Variants in TRPM7 observed in about 807,000 individuals in gnomAD.
TRPM7 encodes the protein LTRPC ion channel family member 7.
A neutral mutation model predicts 229.7 loss-of-function variants in TRPM7; 134 were observed. The ratio of observed to expected loss-of-function variants is 0.58; its 90% CI spans 0.51 to 0.67. The LOEUF (loss-of-function observed/expected upper bound fraction) is 0.67, where lower values mean the gene tolerates loss of function less well. Ranked by LOEUF, TRPM7 falls within the 30% of genes least tolerant of loss-of-function variation. TRPM7 has a pLI of 0.00. For missense variants in TRPM7, 1,901 were observed against 2,210.0 expected (o/e 0.86, Z 2.80); for synonymous variants, 699 against 715.2 (o/e 0.98, Z 0.36).
At chr15:50,621,752 TGGGTGC>T (rs1196843097) in intron 12 of TRPM7, among the ~76,000 whole-genome samples, 2 of 152,158 alleles carry the variant, frequency 1.3e-5, no homozygotes, top group Non-Finnish European at 2.9e-5. Flanking sequence ...CATAGCAGGC[TGGGTGC>T]GGTGGCTCAT....
chr15:50,636,495 C>T (rs887639177), intron 7 of TRPM7, among the ~76,000 whole-genome samples: 2 of 152,262 alleles, frequency 1.3e-5, no homozygotes, highest in Middle Eastern at 3.4e-3. Flanking sequence ...CCAGCCCATT[C>T]TTAACTTTTA....
intron 13 of TRPM7, among the ~76,000 whole-genome samples, chr15:50,617,131 AAAATAAATAAATAAATAAATAAAT>A (rs201318883): frequency 3.3e-4 from 45 of 137,388 alleles, no homozygotes; most frequent in African/African-American, 1.1e-3. Context: ...CTCTACCAAA[AAAATAAATAAATAAATAAATAAAT>A]AAATAAATAA....
chr15:50,584,287 C>A lies in TRPM7; in HGVS notation c.4487-1128G>T, dbSNP rs535729129. Among the ~76,000 whole-genome samples the A allele has an allele frequency of 2.9e-4, 44 of 152,152 alleles. No individual in the cohort carries two copies. In the South Asian group the frequency reaches 8.7e-3, roughly 30 times the overall value. ...CTGAGATATATTAGAAGACTCTGGG[C>A]AAAATGTTTTCAATATGATGAAACT... On this transcript the variant is annotated intron_variant, in intron 28 of 38. Transcript: ENST00000646667.
chr15:50,683,789 A>G (rs2062296450), intron 1 of TRPM7, among the ~76,000 whole-genome samples: 1 of 152,188 alleles, frequency 6.6e-6, no homozygotes, highest in Non-Finnish European at 1.5e-5. Flanking sequence ...AAACAAAGAC[A>G]GTATGTGCCT....
intron 10 of TRPM7, among the ~76,000 whole-genome samples, chr15:50,628,812 T>C (rs1317542318): frequency 1.3e-5 from 2 of 152,206 alleles, no homozygotes; most frequent in African/African-American, 2.4e-5. Flanking sequence ...ACTGTTTCTA[T>C]CACAGAGATA....
chr15:50,639,619 A>G (rs1489688980), intron 5 of TRPM7, 71 bp from the exon 6 acceptor site: 3 of 1,433,098 alleles, frequency 2.1e-6, no homozygotes, highest in South Asian at 2.6e-5. Context: ...CAGGAAAGAG[A>G]GCAGTGGCGC....
chr15:50,671,602 A>C (rs1468460045), intron 1 of TRPM7, among the ~76,000 whole-genome samples: 3 of 151,942 alleles, frequency 2.0e-5, no homozygotes, highest in Non-Finnish European at 2.9e-5. Context: ...TGAGGCCAGG[A>C]GTTCAAGACC....
At chr15:50,622,466 T>C (rs777342000) in intron 12 of TRPM7, among the ~76,000 whole-genome samples, 1 of 152,252 alleles carries the variant, frequency 6.6e-6, no homozygotes, top group Non-Finnish European at 1.5e-5. Flanking sequence ...TATTTTACAT[T>C]GCTTTATAGT....
chr15:50,585,838 T>G (rs187721190), intron 28 of TRPM7, among the ~76,000 whole-genome samples: 6 of 152,284 alleles, frequency 3.9e-5, no homozygotes, highest in African/African-American at 1.2e-4. Flanking sequence ...CACCACAATA[T>G]AGTAAATGAG....
At chr15:50,576,905 C>T (rs910486188) in intron 31 of TRPM7, among the ~76,000 whole-genome samples, 4 of 152,020 alleles carry the variant, frequency 2.6e-5, no homozygotes, top group Admixed American at 2.6e-4. Flanking sequence ...GCCAGGAGTT[C>T]AAGACCAGCC....
In TRPM7 at chr15:50,592,345, G is replaced by T; in HGVS notation, c.3890C>A (p.Thr1297Lys). ...ACCTTGAGGAAGAGAGGAGCTAAGT[G>T]TATTTACAACACCATGCTTTTTCCA... ...SVWKKHGVVN[T>K]LSSSLPQGDL... Residue 1297 changes from threonine (T) to lysine (K), a missense_variant, in exon 26 of 39, where the codon ACA becomes AAA. By Grantham distance (78) the Thr-to-Lys change is moderately conservative. This residue lies in a region of TRPM7 where 533 missense variants were observed against 497.1 expected (regional missense o/e 1.07). Coordinates refer to ENST00000646667, the MANE Select transcript of TRPM7 (RefSeq NM_017672.6). 1 of 1,614,096 alleles carries T rather than the reference G, an allele frequency of 6.2e-7. No homozygotes were observed. Among genetic ancestry groups the T allele is most frequent in the Non-Finnish European group, 8.5e-7 (1 of 1,179,974 alleles).
intron 2 of TRPM7, among the ~76,000 whole-genome samples, chr15:50,660,154 A>G (rs1021416102): frequency 2.0e-5 from 3 of 152,230 alleles, no homozygotes; most frequent in Admixed American, 1.3e-4. Context: ...GTAATAAAAC[A>G]TATCTTTAAC....
At chr15:50,617,674 G>A (rs2060266108) in intron 13 of TRPM7, among the ~76,000 whole-genome samples, 1 of 151,962 alleles carries the variant, frequency 6.6e-6, no homozygotes, top group South Asian at 2.1e-4. Context: ...TTCTTAAGAA[G>A]GGTCTTGATG....
At chr15:50,663,955 A>G (rs1361632210) in intron 1 of TRPM7, among the ~76,000 whole-genome samples, 3 of 150,078 alleles carry the variant, frequency 2.0e-5, no homozygotes, top group Non-Finnish European at 4.4e-5. Flanking sequence ...AGAGTGAGAG[A>G]CTCTGTCTCA....
At chr15:50,575,353 C>T (rs2054081734) in intron 33 of TRPM7, among the ~76,000 whole-genome samples, 1 of 151,924 alleles carries the variant, frequency 6.6e-6, no homozygotes, top group Admixed American at 6.6e-5. Flanking sequence ...TTTTGAAATT[C>T]TGGCATTTTA....
At position 50,686,768 on chromosome 15, in the gene TRPM7, C is replaced by A. The variant is rs369080985; in HGVS notation, c.-235G>T. The A allele has an allele frequency of 9.3e-4, 438 of 472,442 alleles. 3 individuals carry two copies. Among genetic ancestry groups the A allele is most frequent in the South Asian group, 8.2e-3 (218 of 26,452 alleles). The allele number at this position is 472,442 out of a possible 1,614,324, so 29.3% of individuals were successfully genotyped here. On this transcript the variant is annotated 5_prime_UTR_variant, in exon 1 of 39. Coordinates refer to ENST00000646667, the MANE Select transcript of TRPM7 (RefSeq NM_017672.6). ...GACTGGCCACAGGGACGCGCCCGCG[C>A]CCGCCTCCGCCGGCGACGGGGCTGG... is the stretch of plus-strand genomic sequence containing the variant.
rs2053452850 is a variant in TRPM7, at chr15:50,564,085, C to T, written c.5468-2277G>A. Among the ~76,000 whole-genome samples, 4 of 151,784 alleles carry T rather than the reference C, an allele frequency of 2.6e-5. No individual in the cohort carries two copies. The South Asian group carries it at 8.3e-4, about 32-fold the overall frequency. ...CATAATTGGCAAAGCTGCTCTTGAA[C>T]TCCTGGCCTCAAGTGATCTGCCCAC... is the stretch of plus-strand genomic sequence containing the variant. On this transcript the variant is annotated intron_variant, in intron 38 of 38. Coordinates refer to ENST00000646667, the MANE Select transcript of TRPM7 (RefSeq NM_017672.6).
In TRPM7 at chr15:50,569,959, C is replaced by T; in HGVS notation, c.5395G>A (p.Gly1799Arg). The T allele has an allele frequency of 6.2e-7, 1 of 1,611,804 alleles. No individual in the cohort carries two copies. Among genetic ancestry groups the T allele is most frequent in the Non-Finnish European group, 8.5e-7 (1 of 1,178,956 alleles). Reference protein sequence around the residue: ...CDMVFGPANLGEDAIKNFRAK... With the variant: ...CDMVFGPANLREDAIKNFRAK... Reference sequence around the variant, plus strand: ...CTGAAGTTTTTAATTGCATCTTCTCCTAGATTTGCTGGGCCAAAAACCATA... The same window carrying T: ...CTGAAGTTTTTAATTGCATCTTCTCTTAGATTTGCTGGGCCAAAAACCATA... The change falls in exon 38 of 39, where the codon GGA becomes AGA. Residue 1799 changes from glycine (G) to arginine (R), a missense_variant. Around this residue, in one of 8 missense-constraint regions of TRPM7, gnomAD observed 257 missense variants for 352.0 expected, o/e 0.73. Coordinates refer to ENST00000646667, the MANE Select transcript of TRPM7 (RefSeq NM_017672.6).
At chr15:50,660,409 T>G (rs2140909535) in intron 2 of TRPM7, among the ~76,000 whole-genome samples, 1 of 152,236 alleles carries the variant, frequency 6.6e-6, no homozygotes, top group South Asian at 2.1e-4. Context: ...GTGACTCACT[T>G]TGGGAGGCTG....
Sources: gnomAD v4.1 joint callset for allele counts (sites outside exome capture counted in the v4.1 genomes callset) on GRCh38, gnomAD v4.1.1 for gene constraint, gnomAD v4.1.1 regional missense constraint, MANE v1.5 for transcripts, NCBI Gene and HGNC (gene_info 2026-07-23, HGNC 2026-07-21) for gene names.